KCNK10: variants seen among roughly 807,000 people sequenced by gnomAD.
KCNK10 encodes the protein potassium two pore domain channel subfamily K member 10, also known as potassium channel subfamily K member 10.
A neutral mutation model predicts 47.7 loss-of-function variants in KCNK10; 25 were observed. The observed-to-expected ratio is 0.52, with a 90% CI of 0.38 to 0.73. The LOEUF is 0.73. KCNK10 is among the 30% of genes least tolerant of loss of function. KCNK10 has a pLI of 0.00. For synonymous variants in KCNK10, 303 were observed against 285.6 expected (o/e 1.06, Z -0.61); for missense variants, 563 against 714.5 (o/e 0.79, Z 2.42).
intron 2 of KCNK10, among the ~76,000 whole-genome samples, chr14:88,244,942 G>A (rs1886588283): frequency 6.6e-6 from 1 of 152,144 alleles, no homozygotes; most frequent in Non-Finnish European, 1.5e-5. Context: ...TTCAATAGAG[G>A]TAGACAGATA....
chr14:88,234,122 T>C (rs1886229698), intron 3 of KCNK10, among the ~76,000 whole-genome samples: 1 of 152,208 alleles, frequency 6.6e-6, no homozygotes, highest in African/African-American at 2.4e-5. Context: ...GTTGTTCAGG[T>C]TGCTAACACT....
intron 1 of KCNK10, among the ~76,000 whole-genome samples, chr14:88,275,693 CAAAAAAAAA>C (rs71126972): frequency 0.015 from 1,110 of 72,002 alleles, 22 homozygotes; most frequent in African/African-American, 0.057. Context: ...GCTAAAAATA[CAAAAAAAAA>C]AAAAAAAAAA....
At position 88,317,496 on chromosome 14, in the gene KCNK10, T is replaced by C. The variant is rs574212997; in HGVS notation, c.52+5251A>G. ...TGATCAACAGGGAGACTGCTTCCTC[T>C]AAATCTCTCAGAGAAACCTTTGAAC... is the stretch of plus-strand genomic sequence containing the variant. On this transcript the variant is annotated intron_variant, in intron 1 of 6. Transcript: ENST00000319231. 1.1e-4 allele frequency among the ~76,000 whole-genome samples: 16 copies of C among 152,288 alleles called. No homozygotes were observed. The East Asian group carries it at 3.1e-3, about 29-fold the overall frequency.
intron 1 of KCNK10, among the ~76,000 whole-genome samples, chr14:88,316,997 A>G (rs1165111636): frequency 2.0e-5 from 3 of 152,190 alleles, no homozygotes; most frequent in Non-Finnish European, 4.4e-5. Context: ...GTGGAACAGC[A>G]AAGTCAACCT....
At chr14:88,258,042 A>C (rs1182648322) in intron 2 of KCNK10, among the ~76,000 whole-genome samples, 6 of 151,928 alleles carry the variant, frequency 3.9e-5, no homozygotes, top group Non-Finnish European at 8.8e-5. Flanking sequence ...AGAGGCAACC[A>C]TCCCCTCCCC....
At chr14:88,266,238 G>A (rs745854061) in intron 1 of KCNK10, among the ~76,000 whole-genome samples, 7 of 152,232 alleles carry the variant, frequency 4.6e-5, no homozygotes, top group Non-Finnish European at 8.8e-5. Context: ...CAACGTGGAT[G>A]AGCAGCGTCA....
In KCNK10 at chr14:88,235,510, A is replaced by C. The variant is rs533116224; in HGVS notation, c.520+5193T>G. 9.3e-4 allele frequency among the ~76,000 whole-genome samples: 142 copies of C among 152,224 alleles called. 1 individual carries two copies. The highest frequency in any genetic ancestry group is 6.5e-4 in the Non-Finnish European group (44 of 68,034). ...AAGAAATCAGTGGAAAAATGGAACAACAAGTGAAGATGAAATGTGAGCTAT... is the reference window on the plus strand; with the variant it reads ...AAGAAATCAGTGGAAAAATGGAACACCAAGTGAAGATGAAATGTGAGCTAT... On this transcript the variant is annotated intron_variant, in intron 3 of 6. Transcript: ENST00000319231.
At chr14:88,228,141 T>A (rs1886045982) in intron 3 of KCNK10, among the ~76,000 whole-genome samples, 1 of 78,214 alleles carries the variant, frequency 1.3e-5, no homozygotes, top group South Asian at 4.4e-4. Flanking sequence ...CCCCATCTGG[T>A]TTTTTTCTCT....
intron 1 of KCNK10, among the ~76,000 whole-genome samples, chr14:88,278,376 C>T (rs996163880): frequency 2.0e-5 from 3 of 152,198 alleles, no homozygotes; most frequent in African/African-American, 7.2e-5. Flanking sequence ...GGGTTAGTCA[C>T]AATTAAGCAG....
chr14:88,220,281 G>C (rs1408507094), intron 4 of KCNK10, among the ~76,000 whole-genome samples: 1 of 149,910 alleles, frequency 6.7e-6, no homozygotes, highest in Admixed American at 6.6e-5. Flanking sequence ...GCCGGGCGTA[G>C]TGGCGGGCGC....
intron 4 of KCNK10, among the ~76,000 whole-genome samples, chr14:88,196,453 A>G (rs1884916088): frequency 6.6e-6 from 1 of 152,118 alleles, no homozygotes; most frequent in African/African-American, 2.4e-5. Flanking sequence ...TACTTCCACA[A>G]TGTTATTTTG....
intron 4 of KCNK10, among the ~76,000 whole-genome samples, chr14:88,223,634 A>G (rs1265980788): frequency 6.6e-6 from 1 of 152,018 alleles, no homozygotes; most frequent in Non-Finnish European, 1.5e-5. Context: ...TTGACTTTAT[A>G]TGTGATTTGA....
chr14:88,231,173 G>A (rs539278721), intron 3 of KCNK10, among the ~76,000 whole-genome samples: 1 of 152,226 alleles, frequency 6.6e-6, no homozygotes, highest in African/African-American at 2.4e-5. Context: ...CCAGCTACTT[G>A]GTTGGCTGAG....
In KCNK10 at chr14:88,239,179, G is replaced by A. The variant is rs139517437; in HGVS notation, c.520+1524C>T. ...TGGCACCAATAGACTTGTTCAATGC[G>A]GGATTGCCATACACCTTAAATTTGT... On this transcript the variant is annotated intron_variant, in intron 3 of 6. Coordinates refer to ENST00000319231, the MANE Select transcript of KCNK10 (RefSeq NM_138317.3). Among the ~76,000 whole-genome samples the A allele has an allele frequency of 1.1e-4, 17 of 151,712 alleles. No homozygotes were observed. The East Asian group carries it at 2.9e-3, about 26-fold the overall frequency.
At chr14:88,234,516 C>T (rs998997384) in intron 3 of KCNK10, among the ~76,000 whole-genome samples, 4 of 152,134 alleles carry the variant, frequency 2.6e-5, no homozygotes, top group Non-Finnish European at 4.4e-5. Context: ...CTGAAATTTG[C>T]GCCTATAGGA....
intron 1 of KCNK10, among the ~76,000 whole-genome samples, chr14:88,289,615 TGAA>T (rs950064313): frequency 6.6e-6 from 1 of 152,190 alleles, no homozygotes; most frequent in African/African-American, 2.4e-5. Context: ...ACACACACAG[TGAA>T]GAAGAGAGCC....
intron 1 of KCNK10, among the ~76,000 whole-genome samples, chr14:88,317,784 T>A (rs1325713673): frequency 6.6e-6 from 1 of 152,226 alleles, no homozygotes; most frequent in Non-Finnish European, 1.5e-5. Flanking sequence ...AAAAGTGTTC[T>A]GTAAACTGAA....
chr14:88,200,447 C>T (rs1885067158), intron 4 of KCNK10, among the ~76,000 whole-genome samples: 1 of 152,022 alleles, frequency 6.6e-6, no homozygotes, highest in Non-Finnish European at 1.5e-5. Context: ...GGCTTCCCAG[C>T]TACGTGTGTA....
At chr14:88,188,238 T>C in intron 5 of KCNK10, 129 bp from the exon 6 acceptor site, 1 of 1,178,448 alleles carries the variant, frequency 8.5e-7, no homozygotes, top group Non-Finnish European at 1.2e-6. Context: ...GTTTGCTGTG[T>C]ACAAGGTGGA....
Sources: allele counts gnomAD v4.1 joint callset (sites outside exome capture counted in the v4.1 genomes callset), GRCh38; gene constraint gnomAD v4.1.1; transcripts MANE v1.5; gene names NCBI Gene and HGNC (gene_info 2026-07-23, HGNC 2026-07-21).